The following TNC variants were observed in gnomAD, a reference collection of about 807,000 sequenced individuals.
The protein encoded by TNC is tenascin.
A neutral mutation model predicts 202.4 loss-of-function variants in TNC; 109 were observed. The observed-to-expected ratio is 0.54, with a 90% CI of 0.46 to 0.63. The LOEUF (loss-of-function observed/expected upper bound fraction) is 0.63, where lower values mean the gene tolerates loss of function less well. TNC is among the 30% of genes least tolerant of loss of function. The probability of loss-of-function intolerance (pLI) is 0.00; values close to 1 mark genes in which losing one functional copy is unlikely to be tolerated. For synonymous variants in TNC, 1,007 were observed against 1,089.7 expected, an observed-to-expected ratio of 0.92 and a Z score of 1.50; for missense variants, 2,756 against 2,833.3, an observed-to-expected ratio of 0.97 and a Z score of 0.62.
chr9:115,098,542 A>G (rs1308017398), intron 1 of TNC, among the ~76,000 whole-genome samples: 1 of 152,254 alleles, frequency 6.6e-6, no homozygotes, highest in Non-Finnish European at 1.5e-5. Flanking sequence ...TTAGATAAAG[A>G]TGAAACTTCC....
intron 6 of TNC, among the ~76,000 whole-genome samples, chr9:115,081,230 G>T (rs1834278376): frequency 6.6e-6 from 1 of 152,106 alleles, no homozygotes. Context: ...TCCTACAACT[G>T]GGTGCTAATA....
intron 3 of TNC, among the ~76,000 whole-genome samples, chr9:115,084,821 G>A (rs773799369): frequency 2.6e-5 from 4 of 152,128 alleles, no homozygotes; most frequent in Non-Finnish European, 5.9e-5. Context: ...TTTGAGTTAC[G>A]TGTCCCTAGC....
chr9:115,090,005 C>T (rs1263733906), intron 2 of TNC, among the ~76,000 whole-genome samples: 1 of 152,162 alleles, frequency 6.6e-6, no homozygotes, highest in Non-Finnish European at 1.5e-5. Context: ...ATTGTAATTG[C>T]TATTAAATTG....
Position 115,020,502 on chromosome 9 carries a change from C to A in TNC, c.*655G>T. ...TCAAATGATTGGCTTTGGTGAAATTCAGACTCAACAATTCAAAGCAAAATA... is the reference window on the plus strand; with the variant it reads ...TCAAATGATTGGCTTTGGTGAAATTAAGACTCAACAATTCAAAGCAAAATA... On this transcript the variant is annotated 3_prime_UTR_variant, in exon 28 of 28. Coordinates refer to ENST00000350763, the MANE Select transcript of TNC (RefSeq NM_002160.4). 1 of 200,214 alleles carries A rather than the reference C, an allele frequency of 5.0e-6. No individual in the cohort carries two copies. Among genetic ancestry groups the A allele is most frequent in the Admixed American group, 5.4e-5 (1 of 18,544 alleles). The allele number at this position is 200,214 out of a possible 1,614,324, so 12.4% of individuals were successfully genotyped here.
At chr9:115,051,415 C>A (rs1831643094) in intron 15 of TNC, among the ~76,000 whole-genome samples, 1 of 152,074 alleles carries the variant, frequency 6.6e-6, no homozygotes, top group Admixed American at 6.6e-5. Flanking sequence ...ACTCCAAGTT[C>A]TACGTTCTTT....
At chr9:115,054,003 T>C (rs79332079) in intron 15 of TNC, among the ~76,000 whole-genome samples, 2,651 of 152,336 alleles carry the variant, frequency 0.017, 130 homozygotes, top group East Asian at 0.11. Flanking sequence ...TATGGCTAGA[T>C]GTTTATGGGG....
intron 24 of TNC, 46 bp downstream of exon 24, chr9:115,030,208 C>T (rs1279193328): frequency 3.2e-6 from 5 of 1,551,776 alleles, no homozygotes; most frequent in East Asian, 4.6e-5. Context: ...TGCCCTCTCC[C>T]TCTTCCCCTA....
intron 1 of TNC, among the ~76,000 whole-genome samples, chr9:115,102,597 A>G (rs906067450): frequency 1.3e-5 from 2 of 152,146 alleles, no homozygotes; most frequent in African/African-American, 4.8e-5. Context: ...TTGTCTGGGG[A>G]ATTGATATGA....
At chr9:115,028,924 G>GAAAAAAAAA (rs57737243) in intron 25 of TNC, among the ~76,000 whole-genome samples, 22 of 63,966 alleles carry the variant, frequency 3.4e-4, no homozygotes, top group Admixed American at 5.3e-4. Context: ...CATTATCTCT[G>GAAAAAAAAA]AAAAAAAAAA....
intron 6 of TNC, 133 bp downstream of exon 6, chr9:115,081,639 G>C: frequency 9.6e-7 from 1 of 1,039,828 alleles, no homozygotes; most frequent in Non-Finnish European, 1.4e-6. Context: ...TTAAACCACT[G>C]TATCTGGATT....
intron 7 of TNC, among the ~76,000 whole-genome samples, chr9:115,077,355 C>T (rs1303109698): frequency 6.6e-6 from 1 of 152,156 alleles, no homozygotes; most frequent in Non-Finnish European, 1.5e-5. Flanking sequence ...TGCGCCTGAC[C>T]CCAATTTTTG....
rs114965472 is a variant in TNC, at chr9:115,089,185, A to G, written c.457+1377T>C. Reference sequence around the variant, plus strand: ...AAAATGTTTTTAAAAATTGCCTTAGAAACCTAGAGCCTGTCCTGCAGAGCC... The same window carrying G: ...AAAATGTTTTTAAAAATTGCCTTAGGAACCTAGAGCCTGTCCTGCAGAGCC... On this transcript the variant is annotated intron_variant, in intron 2 of 27. Coordinates refer to ENST00000350763, the MANE Select transcript of TNC (RefSeq NM_002160.4). 2.1e-3 allele frequency among the ~76,000 whole-genome samples: 327 copies of G among 152,334 alleles called. 2 individuals carry two copies. The highest frequency in any genetic ancestry group is 7.3e-3 in the African/African-American group (304 of 41,566).
intron 17 of TNC, among the ~76,000 whole-genome samples, chr9:115,044,196 G>A (rs368741604): frequency 1.8e-3 from 275 of 151,770 alleles, no homozygotes; most frequent in Non-Finnish European, 3.3e-3. Flanking sequence ...GGAGGAAGAG[G>A]GATAGGACAT....
chr9:115,060,392 A>G (rs1165920900), intron 13 of TNC, among the ~76,000 whole-genome samples: 2 of 152,234 alleles, frequency 1.3e-5, no homozygotes, highest in East Asian at 3.8e-4. Flanking sequence ...TCCCAATACT[A>G]GCATTTGCTA....
intron 17 of TNC, among the ~76,000 whole-genome samples, chr9:115,044,352 G>A (rs964694360): frequency 6.7e-6 from 1 of 150,240 alleles, no homozygotes; most frequent in Non-Finnish European, 1.5e-5. Flanking sequence ...CCCCTTTCCT[G>A]TCTTCTCCTG....
At chr9:115,074,703 G>A (rs1444507174) in intron 9 of TNC, among the ~76,000 whole-genome samples, 1 of 152,210 alleles carries the variant, frequency 6.6e-6, no homozygotes, top group Non-Finnish European at 1.5e-5. Flanking sequence ...GCAAAGGGTA[G>A]CATGTGGGAT....
chr9:115,071,128 C>A (rs957473179), intron 10 of TNC, among the ~76,000 whole-genome samples: 4 of 152,176 alleles, frequency 2.6e-5, no homozygotes, highest in Non-Finnish European at 5.9e-5. Context: ...AACCCCAGAA[C>A]TTAGCACAGA....
intron 1 of TNC, among the ~76,000 whole-genome samples, chr9:115,103,897 C>A (rs529680617): frequency 6.6e-6 from 1 of 152,258 alleles, no homozygotes; most frequent in Admixed American, 6.5e-5. Context: ...ATATTTCCAT[C>A]CAGACACAAT....
At position 115,086,412 on chromosome 9, in the gene TNC, G is replaced by A; in HGVS notation, c.1319C>T (p.Pro440Leu). Residue 440 changes from proline (P) to leucine (L), a missense_variant, in exon 3 of 28, where the codon CCC becomes CTC. Physicochemically the swap from Pro to Leu is moderately conservative, Grantham distance 98 (BLOSUM62 -3). Around this residue, in one of 2 missense-constraint regions of TNC, gnomAD observed 2,559 missense variants for 2,546.0 expected, o/e 1.01. Transcript: ENST00000350763. The part of the protein sequence containing the change: ...TGEDCSQLRC[P>L]NDCHSRGRCV... ...GCGGCCCCGACTGTGACAGTCATTG[G>A]GGCACCGTAGCTGGCTGCAGTCCTC... 6.2e-7 allele frequency: 1 copy of A among 1,613,966 alleles called. No individual in the cohort carries two copies. Among genetic ancestry groups the A allele is most frequent in the South Asian group, 1.1e-5 (1 of 91,082 alleles).
Sources: gnomAD v4.1 joint callset for allele counts (sites outside exome capture counted in the v4.1 genomes callset) on GRCh38, gnomAD v4.1.1 for gene constraint, gnomAD v4.1.1 regional missense constraint, MANE v1.5 for transcripts, NCBI Gene and HGNC (gene_info 2026-07-23, HGNC 2026-07-21) for gene names.